ZFP57: variants seen among roughly 807,000 people sequenced by gnomAD.
ZFP57 encodes zinc finger protein 57 homolog.
In ZFP57, 12 loss-of-function variants were observed where a neutral mutation model predicts 15.8. The observed-to-expected ratio is 0.76, with a 90% confidence interval of 0.49 to 1.23. The LOEUF (loss-of-function observed/expected upper bound fraction) is 1.23. Among genes scored for constraint, ZFP57 ranks in the 50% most tolerant of loss-of-function variants. The pLI is 0.00. For synonymous variants in ZFP57, 203 were observed against 242.3 expected (o/e 0.84, Z 1.51); for missense variants, 536 against 654.9 (o/e 0.82, Z 1.98).
At position 29,672,874 on chromosome 6, in the gene ZFP57, A is replaced by G; in HGVS notation, c.1237T>C (p.Tyr413His). The G allele has an allele frequency of 1.2e-6, 2 of 1,613,090 alleles. No homozygotes were observed. The highest frequency in any genetic ancestry group is 1.7e-6 in the Non-Finnish European group (2 of 1,180,024). Residue 413 changes from tyrosine to histidine, a missense_variant, in exon 5 of 5, where the codon TAC (tyrosine) becomes CAC (histidine). Tyr to His is a moderately conservative substitution (Grantham distance 83). Transcript: ENST00000376883. ...AAAGACTTGCTGCAATGGAAGCAGT[A>G]GTTGGGCGGCTCTGTGAGGTGGGCC... ...QKAHLTEPPN[Y>H]CFHCSKSFSS...
Position 29,673,868 on chromosome 6 carries a change from C to T in ZFP57, c.353-110G>A, listed in dbSNP as rs1166469868. 15 of 1,297,606 alleles carry T rather than the reference C, an allele frequency of 1.2e-5. No homozygotes were observed. Among genetic ancestry groups the T allele is most frequent in the East Asian group, 4.6e-5 (2 of 43,422 alleles). 80.4% of individuals were successfully genotyped at this position (1,297,606 alleles called of 1,614,324 possible). ...CAGCACTTTGGGAGGCCGAGGCCAG[C>T]GGATCACCTGAGGTTAGGAGTTCGA... On this transcript the variant is annotated intron_variant, in intron 4 of 4. Coordinates refer to ENST00000376883, the MANE Select transcript of ZFP57 (RefSeq NM_001109809.5). This position sits in a 1 kb window ranked among gnomAD's most constrained non-coding sequence, Gnocchi z 4.7.
At chr6:29,676,741 G>T in intron 2 of ZFP57, 140 bp downstream of exon 2, 1 of 1,109,796 alleles carries the variant, frequency 9.0e-7, no homozygotes, top group Non-Finnish European at 1.3e-6. Context: ...ATGGAGAAAG[G>T]TCTTGCAGCT....
intron 1 of ZFP57, among the ~76,000 whole-genome samples, chr6:29,680,261 CCT>C (rs1336658509): frequency 6.6e-6 from 1 of 152,170 alleles, no homozygotes; most frequent in African/African-American, 2.4e-5. Context: ...GAATGTAAAT[CCT>C]CTGAGGGAAT....
At chr6:29,680,085 G>GC in intron 1 of ZFP57, among the ~76,000 whole-genome samples, 1 of 152,216 alleles carries the variant, frequency 6.6e-6, no homozygotes, top group South Asian at 2.1e-4. Context: ...GCTGTTGCTT[G>GC]CCCAGGCACG....
chr6:29,675,630 G>A (rs1166443761), intron 3 of ZFP57, 143 bp from the exon 4 acceptor site: 2 of 799,644 alleles, frequency 2.5e-6, no homozygotes, highest in Non-Finnish European at 4.4e-6. Context: ...GACATTAAAA[G>A]GCCAGCTGCT....
intron 4 of ZFP57, among the ~76,000 whole-genome samples, chr6:29,674,584 G>A (rs1350827603): frequency 6.6e-6 from 1 of 152,166 alleles, no homozygotes; most frequent in Non-Finnish European, 1.5e-5. Context: ...AGGGTGAAAA[G>A]AGGTGTTATT....
Position 29,672,741 on chromosome 6 carries a change from T to C in ZFP57, c.1370A>G (p.Asp457Gly), listed in dbSNP as rs1469586178. The change falls in exon 5 of 5, where the codon GAT becomes GGT. Residue 457 changes from aspartate (D) to glycine (G), a missense_variant. By Grantham distance (94) the Asp-to-Gly change is moderately conservative (BLOSUM62 -1). Coordinates refer to ENST00000376883, the MANE Select transcript of ZFP57 (RefSeq NM_001109809.5). ...LSFGEKEGLMDHWRGYKGKDL... is the reference protein window; with the variant it reads ...LSFGEKEGLMGHWRGYKGKDL... ...CTTGCCTTTATAGCCCCTCCAGTGA[T>C]CCATAAGGCCCTCTTTCTCCCCAAA... is the stretch of plus-strand genomic sequence containing the variant. 3 of 1,612,908 alleles carry C rather than the reference T, an allele frequency of 1.9e-6. No homozygotes were observed. Among genetic ancestry groups the C allele is most frequent in the Non-Finnish European group, 2.5e-6 (3 of 1,180,030 alleles).
chr6:29,676,560 A>T (rs28367493), intron 2 of ZFP57, among the ~76,000 whole-genome samples: 7,090 of 144,168 alleles, frequency 0.049, 377 homozygotes, highest in African/African-American at 0.12. Flanking sequence ...GAAAAAAAAA[A>T]AAAGGAAAGG....
Position 29,672,686 on chromosome 6 carries a change from G to A in ZFP57, c.1425C>T (p.Cys475=). Residue 475 remains cysteine, a synonymous_variant, in exon 5 of 5, where the codon TGC becomes TGT. Transcript: ENST00000376883. Reference sequence around the variant, plus strand: ...CAAGCCACTGGCCCAGGATCACCCGGCATTTATGGTGGCTGCTCTGGCACA... The same window carrying A: ...CAAGCCACTGGCCCAGGATCACCCGACATTTATGGTGGCTGCTCTGGCACA... ...KDLCQSSHHK[C]RVILGQWLGF... is the part of the protein sequence containing the mutation. 6.2e-7 allele frequency: 1 copy of A among 1,612,604 alleles called. No homozygotes were observed. The highest frequency in any genetic ancestry group is 8.5e-7 in the Non-Finnish European group (1 of 1,179,666).
chr6:29,675,356 T>C, intron 4 of ZFP57, 30 bp downstream of exon 4: 1 of 1,537,104 alleles, frequency 6.5e-7, no homozygotes, highest in Non-Finnish European at 9.0e-7. Flanking sequence ...TGGGCCCTTT[T>C]CCCCTTCCTC....
rs369847099 is a variant in ZFP57 at position 29,673,202 on chromosome 6, T to C, written c.909A>G (p.Glu303=). ...GGCTTCTGGCGATGGGTGTCTGGAA[T>C]TCAGCCTGGGTGCCTGGAATCCTCA... is the stretch of plus-strand genomic sequence containing the variant. The part of the protein sequence containing the change: ...CTLRIPGTQA[E]FQTPIARSQR... Residue 303 remains glutamate, a synonymous_variant, in exon 5 of 5, where the codon GAA becomes GAG. Transcript: ENST00000376883. This position sits in a 1 kb window ranked among gnomAD's most constrained non-coding sequence, Gnocchi z 4.7. The C allele has an allele frequency of 6.2e-7, 1 of 1,612,884 alleles. No individual in the cohort carries two copies. Among genetic ancestry groups the C allele is most frequent in the Non-Finnish European group, 8.5e-7 (1 of 1,180,038 alleles).
intron 1 of ZFP57, among the ~76,000 whole-genome samples, chr6:29,680,073 C>A (rs1258664073): frequency 6.6e-6 from 1 of 152,116 alleles, no homozygotes; most frequent in Non-Finnish European, 1.5e-5. Flanking sequence ...TGAATCTCTG[C>A]GGCTGTTGCT....
At chr6:29,679,360 C>A (rs1040534187) in intron 1 of ZFP57, among the ~76,000 whole-genome samples, 9 of 152,190 alleles carry the variant, frequency 5.9e-5, no homozygotes, top group African/African-American at 2.2e-4. Flanking sequence ...GTTAATAGAA[C>A]TGAAAATACC....
chr6:29,679,906 CA>C (rs1289068784), intron 1 of ZFP57, among the ~76,000 whole-genome samples: 1 of 128,414 alleles, frequency 7.8e-6, no homozygotes, highest in African/African-American at 2.9e-5. Flanking sequence ...AACAAACAAA[CA>C]AACAAAAAAA....
rs1045286457 is a variant in ZFP57 at position 29,673,864 on chromosome 6, C to G, written c.353-106G>C. ...ATCCCAGCACTTTGGGAGGCCGAGG[C>G]CAGCGGATCACCTGAGGTTAGGAGT... On this transcript the variant is annotated intron_variant, in intron 4 of 4. Transcript: ENST00000376883. The surrounding 1 kb of genome is among the most constrained non-coding windows in gnomAD (Gnocchi z 4.7). 3.0e-6 allele frequency: 4 copies of G among 1,340,358 alleles called. No homozygotes were observed. The highest frequency in any genetic ancestry group is 1.4e-5 in the African/African-American group (1 of 69,884). The allele number at this position is 1,340,358 out of a possible 1,614,324, so 83.0% of individuals were successfully genotyped here.
At position 29,673,444 on chromosome 6, in the gene ZFP57, G is replaced by A. The variant is rs758594645; in HGVS notation, c.667C>T (p.Arg223Cys). The A allele has an allele frequency of 5.6e-6, 9 of 1,613,016 alleles. No individual in the cohort carries two copies. Among genetic ancestry groups the A allele is most frequent in the South Asian group, 3.3e-5 (3 of 91,090 alleles). ...AAGGGCCTCTCCCCAAGATGCATGC[G>A]TCTGTGATAGCTGAGGGACTTGGGG... ...RSPKSLSYHR[R>C]MHLGERPFCC... The change falls in exon 5 of 5, where the codon CGC (arginine) becomes TGC (cysteine). Residue 223 changes from arginine to cysteine, a missense_variant. By Grantham distance (180) the Arg-to-Cys change is radical. Coordinates refer to ENST00000376883, the MANE Select transcript of ZFP57 (RefSeq NM_001109809.5). This position sits in a 1 kb window ranked among gnomAD's most constrained non-coding sequence, Gnocchi z 4.7.
At position 29,672,817 on chromosome 6, in the gene ZFP57, G is replaced by A; in HGVS notation, c.1294C>T (p.Gln432Ter). 1 of 1,613,104 alleles carries A rather than the reference G, an allele frequency of 6.2e-7. No homozygotes were observed. The highest frequency in any genetic ancestry group is 8.5e-7 in the Non-Finnish European group (1 of 1,180,040). The change falls in exon 5 of 5, where the codon CAG becomes TAG. Residue 432 changes from glutamine (Q) to a stop codon, truncating the protein, a stop_gained. Coordinates refer to ENST00000376883, the MANE Select transcript of ZFP57 (RefSeq NM_001109809.5). LOFTEE classifies it low-confidence loss of function (END_TRUNC). Reference sequence around the variant, plus strand: ...TAGCTCTTCTGCTTCCAGTGGGTCTGCTGGTGTCTGACCAGCCTGGAAAAT... The same window carrying A: ...TAGCTCTTCTGCTTCCAGTGGGTCTACTGGTGTCTGACCAGCCTGGAAAAT... ...SSFSRLVRHQQTHWKQKSYLC... is the reference protein window; with the variant it reads ...SSFSRLVRHQ
chr6:29,677,817 C>T (rs940655818), intron 1 of ZFP57, among the ~76,000 whole-genome samples: 5 of 145,440 alleles, frequency 3.4e-5, no homozygotes, highest in African/African-American at 1.2e-4. Flanking sequence ...TCTGGATTTT[C>T]AATACATGTA....
In ZFP57 at chr6:29,673,834, C is replaced by T; in HGVS notation, c.353-76G>A. Reference sequence around the variant, plus strand: ...AGAGGCTTGGCATGGTGGCTCACACCTGTAATCCCAGCACTTTGGGAGGCC... The same window carrying T: ...AGAGGCTTGGCATGGTGGCTCACACTTGTAATCCCAGCACTTTGGGAGGCC... On this transcript the variant is annotated intron_variant, in intron 4 of 4. Coordinates refer to ENST00000376883, the MANE Select transcript of ZFP57 (RefSeq NM_001109809.5). The surrounding 1 kb of genome is among the most constrained non-coding windows in gnomAD (Gnocchi z 4.7). The T allele has an allele frequency of 6.3e-7, 1 of 1,580,868 alleles. No individual in the cohort carries two copies. The highest frequency in any genetic ancestry group is 1.7e-5 in the Admixed American group (1 of 59,928).
Sources: gnomAD v4.1 joint callset for allele counts (sites outside exome capture counted in the v4.1 genomes callset) on GRCh38, gnomAD v4.1.1 for gene constraint, Gnocchi (gnomAD v3.1) non-coding constraint, MANE v1.5 for transcripts, NCBI Gene and HGNC (gene_info 2026-07-23, HGNC 2026-07-21) for gene names.